ATP10D: variants seen among roughly 807,000 people sequenced by gnomAD.
ATP10D encodes the protein ATPase phospholipid transporting 10D (putative).
ATP10D carries 89 observed loss-of-function variants against 144.8 expected under a neutral mutation model. That is an observed-to-expected ratio of 0.61 (90% CI 0.52 to 0.73). The LOEUF (loss-of-function observed/expected upper bound fraction) is 0.73. Among genes scored for constraint, ATP10D ranks in the 30% least tolerant of loss-of-function variants. The pLI is 0.00. For missense variants in ATP10D, 1,603 were observed against 1,714.8 expected (o/e 0.93, Z 1.15); for synonymous variants, 571 against 615.1 (o/e 0.93, Z 1.06).
At chr4:47,560,845 A>G in intron 13 of ATP10D, 104 bp from the exon 14 acceptor site, 2 of 1,404,402 alleles carry the variant, frequency 1.4e-6, no homozygotes, top group South Asian at 2.5e-5. Context: ...AGGGAGGAAT[A>G]TGTAAAACAA....
intron 9 of ATP10D, among the ~76,000 whole-genome samples, chr4:47,537,241 A>G (rs990291473): frequency 2.0e-5 from 3 of 152,296 alleles, no homozygotes; most frequent in African/African-American, 7.2e-5. Flanking sequence ...TGATGAAACT[A>G]TGGGCCATTT....
chr4:47,572,201 A>G lies in ATP10D; in HGVS notation c.3211A>G (p.Ile1071Val). 6.2e-7 allele frequency: 1 copy of G among 1,614,020 alleles called. No individual in the cohort carries two copies. The highest frequency in any genetic ancestry group is 1.1e-5 in the South Asian group (1 of 91,084). The change falls in exon 17 of 23, where the codon ATA becomes GTA. Residue 1071 changes from isoleucine to valine, a missense_variant. Physicochemically the swap from Ile to Val is conservative, Grantham distance 29 (BLOSUM62 3). Transcript: ENST00000273859. Reference protein sequence around the residue: ...VSMIQVADIGIGVSGQEGMQA... With the variant: ...VSMIQVADIGVGVSGQEGMQA... ...CATGATACAAGTGGCAGACATTGGG[A>G]TAGGGGTCTCAGGTCAAGAAGGCAT...
At chr4:47,576,555 T>C (rs1227796565) in intron 18 of ATP10D, among the ~76,000 whole-genome samples, 1 of 152,168 alleles carries the variant, frequency 6.6e-6, no homozygotes, top group African/African-American at 2.4e-5. Flanking sequence ...TAGCACCACA[T>C]AATAAGTGGG....
At chr4:47,504,777 A>G (rs1715928773) in intron 1 of ATP10D, among the ~76,000 whole-genome samples, 1 of 152,112 alleles carries the variant, frequency 6.6e-6, no homozygotes, top group Non-Finnish European at 1.5e-5. Flanking sequence ...GTTAGCCAAA[A>G]TGGTCTCGAT....
rs1335221633 is a variant in ATP10D at position 47,554,776 on chromosome 4, T to A, written c.1686T>A (p.Ile562=). The change falls in exon 11 of 23, where the codon ATT becomes ATA. Residue 562 remains isoleucine (I), a synonymous_variant. Coordinates refer to ENST00000273859, the MANE Select transcript of ATP10D (RefSeq NM_020453.4). Reference sequence around the variant, plus strand: ...GGCTTTTAGACAAATTTAGTCAGATTACACCTCGGCTCTTTATGCCACTAG... The same window carrying A: ...GGCTTTTAGACAAATTTAGTCAGATAACACCTCGGCTCTTTATGCCACTAG... ...DTRLLDKFSQ[I]TPRLFMPLDE... 1.9e-6 allele frequency: 3 copies of A among 1,613,994 alleles called. No homozygotes were observed.
chr4:47,530,228 A>C (rs1157086763), intron 5 of ATP10D, among the ~76,000 whole-genome samples: 1 of 152,052 alleles, frequency 6.6e-6, no homozygotes, highest in Admixed American at 6.6e-5. Flanking sequence ...AACCGGAACA[A>C]CGGTTATTAG....
intron 5 of ATP10D, among the ~76,000 whole-genome samples, chr4:47,530,520 G>C (rs184055037): frequency 6.6e-6 from 1 of 152,048 alleles, no homozygotes; most frequent in African/African-American, 2.4e-5. Context: ...AGAGTGGTGC[G>C]ATCTCAGTTC....
chr4:47,570,821 TA>T (rs1719911275), intron 16 of ATP10D, among the ~76,000 whole-genome samples: 1 of 149,194 alleles, frequency 6.7e-6, no homozygotes, highest in African/African-American at 2.5e-5. Context: ...AAAAGAGAAA[TA>T]AAAGAAAAGA....
At chr4:47,561,142 G>A in intron 14 of ATP10D, 67 bp downstream of exon 14, 1 of 1,581,790 alleles carries the variant, frequency 6.3e-7, no homozygotes, top group Non-Finnish European at 8.7e-7. Context: ...CTTTGAATAA[G>A]GGTTATTTTC....
chr4:47,506,668 A>G (rs549519658), intron 1 of ATP10D, among the ~76,000 whole-genome samples: 1 of 152,328 alleles, frequency 6.6e-6, no homozygotes, highest in Admixed American at 6.5e-5. Context: ...AGGATAGTAG[A>G]GTATCTAGAT....
chr4:47,495,031 A>G (rs544083800), intron 1 of ATP10D, among the ~76,000 whole-genome samples: 4 of 152,292 alleles, frequency 2.6e-5, no homozygotes, highest in African/African-American at 9.6e-5. Flanking sequence ...AGAAACAAAA[A>G]CCCCAAAACT....
At chr4:47,497,620 A>G (rs1715457296) in intron 1 of ATP10D, among the ~76,000 whole-genome samples, 1 of 152,234 alleles carries the variant, frequency 6.6e-6, no homozygotes, top group South Asian at 2.1e-4. Flanking sequence ...ATACTAGTAT[A>G]TAAAATTCTG....
At chr4:47,505,978 A>G (rs1241299500) in intron 1 of ATP10D, among the ~76,000 whole-genome samples, 1 of 152,150 alleles carries the variant, frequency 6.6e-6, no homozygotes, top group Non-Finnish European at 1.5e-5. Context: ...AATCTGCCCT[A>G]CTGCAAACTT....
rs552371473 is a variant in ATP10D at position 47,550,672 on chromosome 4, T to C, written c.1635+3810T>C. ...AGTGTTATAGCTCTATTAGAAGCCA[T>C]GGGTCACGGAAGAGAACCATGGAAC... On this transcript the variant is annotated intron_variant, in intron 10 of 22. Coordinates refer to ENST00000273859, the MANE Select transcript of ATP10D (RefSeq NM_020453.4). 5.1e-4 allele frequency among the ~76,000 whole-genome samples: 78 copies of C among 152,296 alleles called. 1 individual carries two copies. The South Asian group carries it at 0.015, about 30-fold the overall frequency.
chr4:47,522,256 A>G (rs956499892), intron 3 of ATP10D, among the ~76,000 whole-genome samples: 1 of 152,218 alleles, frequency 6.6e-6, no homozygotes, highest in African/African-American at 2.4e-5. Context: ...ACGAAAATGT[A>G]TCGTGGAGCA....
intron 1 of ATP10D, among the ~76,000 whole-genome samples, chr4:47,489,494 T>G (rs1311248293): frequency 6.6e-6 from 1 of 152,206 alleles, no homozygotes; most frequent in African/African-American, 2.4e-5. Flanking sequence ...GATTTGTATT[T>G]TTCTCATGGT....
chr4:47,493,412 AG>A (rs1715189758), intron 1 of ATP10D, among the ~76,000 whole-genome samples: 1 of 152,190 alleles, frequency 6.6e-6, no homozygotes, highest in African/African-American at 2.4e-5. Flanking sequence ...CTTCCAGTAT[AG>A]TGTTCGATAA....
At chr4:47,515,359 C>T (rs1387697330) in intron 2 of ATP10D, 117 bp from the exon 3 acceptor site, 3 of 746,422 alleles carry the variant, frequency 4.0e-6, no homozygotes, top group South Asian at 2.0e-5. Flanking sequence ...GTTCTATATT[C>T]TGTAACATAC....
intron 4 of ATP10D, among the ~76,000 whole-genome samples, chr4:47,524,721 C>G (rs1268528597): frequency 6.6e-6 from 1 of 152,092 alleles, no homozygotes; most frequent in East Asian, 1.9e-4. Context: ...GTTAATTAGA[C>G]CCAATTATTT....
Sources: allele counts gnomAD v4.1 joint callset (sites outside exome capture counted in the v4.1 genomes callset), GRCh38; gene constraint gnomAD v4.1.1; transcripts MANE v1.5; gene names NCBI Gene and HGNC (gene_info 2026-07-23, HGNC 2026-07-21).